YIF1B: variants seen among roughly 807,000 people sequenced by gnomAD.
YIF1B encodes the protein Yip1 interacting factor homolog B, membrane trafficking protein.
A neutral mutation model predicts 34.6 loss-of-function variants in YIF1B; 24 were observed. The observed-to-expected ratio is 0.69, with a 90% confidence interval of 0.50 to 0.98. The LOEUF (loss-of-function observed/expected upper bound fraction) is 0.98. Among genes scored for constraint, YIF1B ranks in the 50% least tolerant of loss-of-function variants. The pLI is 0.00. For synonymous variants in YIF1B, 186 were observed against 184.8 expected, an observed-to-expected ratio of 1.01 and a Z score of -0.05; for missense variants, 368 against 429.4, an observed-to-expected ratio of 0.86 and a Z score of 1.26.
At chr19:38,314,471 G>A (rs1969458563) in intron 1 of YIF1B, among the ~76,000 whole-genome samples, 1 of 151,838 alleles carries the variant, frequency 6.6e-6, no homozygotes, top group Non-Finnish European at 1.5e-5. Context: ...GGGATTATAG[G>A]TGTGAACCAC....
rs1200725077 is a variant in YIF1B at position 38,315,846 on chromosome 19, C to A, written c.58+14G>T. On this transcript the variant is annotated intron_variant, in intron 1 of 7. Coordinates refer to ENST00000339413, the MANE Select transcript of YIF1B (RefSeq NM_001039672.3). ...ACGCCCCCGCCCGCCCGATCTCCTCCGCCGGCCACGTACGCCACTTACGCA... is the reference window on the plus strand; with the variant it reads ...ACGCCCCCGCCCGCCCGATCTCCTCAGCCGGCCACGTACGCCACTTACGCA... The A allele has an allele frequency of 1.3e-6, 2 of 1,504,868 alleles. No homozygotes were observed. Among genetic ancestry groups the A allele is most frequent in the Non-Finnish European group, 1.8e-6 (2 of 1,134,684 alleles). 93.2% of individuals were successfully genotyped at this position (1,504,868 alleles called of 1,614,324 possible). A position where few individuals can be genotyped will look rare whatever the true frequency, so the allele number is the denominator to read the frequency against.
Position 38,315,941 on chromosome 19 carries a change from G to A in YIF1B, c.-24C>T, listed in dbSNP as rs1969533447. ...ATCCTTCGCCGCCGCCACCTAAGCC[G>A]CGGTTCGGAGCGTGCCCGCCCGGCT... On this transcript the variant is annotated 5_prime_UTR_variant, in exon 1 of 8. Transcript: ENST00000339413. 1.4e-6 allele frequency: 2 copies of A among 1,422,132 alleles called. No individual in the cohort carries two copies. The highest frequency in any genetic ancestry group is 3.0e-5 in the East Asian group (1 of 33,816). 88.1% of individuals were successfully genotyped at this position (1,422,132 alleles called of 1,614,324 possible). A position where few individuals can be genotyped will look rare whatever the true frequency, so the allele number is the denominator to read the frequency against.
intron 5 of YIF1B, 27 bp from the exon 6 acceptor site, chr19:38,307,779 G>GT (rs767621152): frequency 6.2e-6 from 10 of 1,609,794 alleles, no homozygotes; most frequent in Admixed American, 1.7e-5. Flanking sequence ...CCGCCACTTG[G>GT]TTGGCTGGTT....
At position 38,304,864 on chromosome 19, in the gene YIF1B, A is replaced by G. The variant is rs575882929; in HGVS notation, c.*488T>C. The G allele has an allele frequency of 4.3e-6, 7 of 1,613,738 alleles. No homozygotes were observed. In the African/African-American group the frequency reaches 6.7e-5, roughly 15 times the overall value. The stretch of plus-strand genomic sequence containing the variant: ...CCACAGTCCCACGCTGCTGGCTCCA[A>G]GCAGCACGAGAGCATCCCGGGCAAG... On this transcript the variant is annotated 3_prime_UTR_variant, in exon 8 of 8. Transcript: ENST00000339413.
intron 1 of YIF1B, among the ~76,000 whole-genome samples, chr19:38,313,655 C>T (rs1461919263): frequency 6.6e-6 from 1 of 152,254 alleles, no homozygotes; most frequent in Non-Finnish European, 1.5e-5. Flanking sequence ...CCTGCTAGGC[C>T]CTGCATGACC....
At chr19:38,307,149 G>A in intron 7 of YIF1B, 1 of 524,120 alleles carries the variant, frequency 1.9e-6, no homozygotes, top group Non-Finnish European at 3.6e-6. Context: ...AGGCTCCCAT[G>A]TAAGGAGAGT....
At chr19:38,306,897 G>A (rs958637903) in intron 7 of YIF1B, 11 of 451,952 alleles carry the variant, frequency 2.4e-5, no homozygotes, top group Non-Finnish European at 4.6e-5. Flanking sequence ...TAGCCAGGAT[G>A]GTCTTGATCT....
At chr19:38,307,995 G>A (rs539370080) in intron 5 of YIF1B, among the ~76,000 whole-genome samples, 3 of 152,352 alleles carry the variant, frequency 2.0e-5, no homozygotes, top group African/African-American at 7.2e-5. Context: ...TCAGGAGACA[G>A]GTGTCAGAGA....
At chr19:38,315,017 G>C (rs1969487280) in intron 1 of YIF1B, among the ~76,000 whole-genome samples, 3 of 152,110 alleles carry the variant, frequency 2.0e-5, no homozygotes, top group Admixed American at 2.0e-4. Context: ...CCAGCACTTT[G>C]GGAGGCCTAG....
chr19:38,314,616 CTTTTTTTT>C (rs911022609), intron 1 of YIF1B, among the ~76,000 whole-genome samples: 6 of 82,326 alleles, frequency 7.3e-5, no homozygotes, highest in Admixed American at 1.6e-4. Context: ...GGATCACCCT[CTTTTTTTT>C]TTTTTTTTTT....
At chr19:38,310,377 A>G (rs1429345592) in intron 1 of YIF1B, among the ~76,000 whole-genome samples, 1 of 148,302 alleles carries the variant, frequency 6.7e-6, no homozygotes, top group East Asian at 2.0e-4. Context: ...CTATCCATCC[A>G]CTGATGCATT....
chr19:38,309,064 G>C lies in YIF1B; in HGVS notation c.403-7C>G. The C allele has an allele frequency of 4.5e-6, 7 of 1,552,668 alleles. No individual in the cohort carries two copies. Among genetic ancestry groups the C allele is most frequent in the Non-Finnish European group, 6.1e-6 (7 of 1,147,304 alleles). ...GGTACTGCACTTCCCAGTCCTGCGG[G>C]GATGGGGAGACGGGCAGGACCCTCA... On this transcript the variant is annotated splice_region_variant and splice_polypyrimidine_tract_variant and intron_variant, in intron 3 of 7. Transcript: ENST00000339413.
At position 38,309,615 on chromosome 19, in the gene YIF1B, C is replaced by T; in HGVS notation, c.87G>A (p.Gln29=). The T allele has an allele frequency of 6.2e-7, 1 of 1,600,064 alleles. No homozygotes were observed. The highest frequency in any genetic ancestry group is 1.1e-5 in the South Asian group (1 of 88,830). ...WPSKRRIPVS[Q]PGMADPHQLF... is the part of the protein sequence containing the mutation. ...GCTGGTGGGGGTCGGCCATGCCCGG[C>T]TGGGACACAGGGATCCTCCGCTTCG... Residue 29 remains glutamine (Q), a synonymous_variant, in exon 2 of 8, where the codon CAG becomes CAA. Coordinates refer to ENST00000339413, the MANE Select transcript of YIF1B (RefSeq NM_001039672.3).
At chr19:38,314,790 C>T (rs533642300) in intron 1 of YIF1B, among the ~76,000 whole-genome samples, 3 of 151,462 alleles carry the variant, frequency 2.0e-5, no homozygotes, top group Non-Finnish European at 4.4e-5. Context: ...ATTTTGTGTA[C>T]TTTTATTAGA....
chr19:38,311,561 G>A (rs977777076), intron 1 of YIF1B, among the ~76,000 whole-genome samples: 1 of 151,960 alleles, frequency 6.6e-6, no homozygotes, highest in Non-Finnish European at 1.5e-5. Context: ...AAGAGGCTCA[G>A]GCCTTTGCCC....
rs546686646 is a variant in YIF1B, at chr19:38,303,860, G to T, written c.*1492C>A. Among the ~76,000 whole-genome samples the T allele has an allele frequency of 1.3e-5, 2 of 152,222 alleles. No homozygotes were observed. The highest frequency in any genetic ancestry group is 2.4e-5 in the African/African-American group (1 of 41,474). On this transcript the variant is annotated 3_prime_UTR_variant, in exon 8 of 8. Transcript: ENST00000339413. ...GTGGGAGCGAGTTAGAACACGGGACGCCCCTGGCAGCAGCGCCCTGCGTGT... is the reference window on the plus strand; with the variant it reads ...GTGGGAGCGAGTTAGAACACGGGACTCCCCTGGCAGCAGCGCCCTGCGTGT...
In YIF1B at chr19:38,307,531, G is replaced by C; in HGVS notation, c.696-10C>G. 1 of 1,613,922 alleles carries C rather than the reference G, an allele frequency of 6.2e-7. No homozygotes were observed. Among genetic ancestry groups the C allele is most frequent in the African/African-American group, 1.3e-5 (1 of 75,016 alleles). On this transcript the variant is annotated splice_polypyrimidine_tract_variant and intron_variant, in intron 6 of 7. Coordinates refer to ENST00000339413, the MANE Select transcript of YIF1B (RefSeq NM_001039672.3). ...GACCCCGCCAATCATCCTGGGGGAG[G>C]GAGAGGAGGCTGTGTGAGGACAAGG...
chr19:38,306,278 C>T (rs1369828563), intron 7 of YIF1B, among the ~76,000 whole-genome samples: 2 of 151,426 alleles, frequency 1.3e-5, no homozygotes, highest in African/African-American at 4.8e-5. Context: ...GTGGCGTGAC[C>T]TCAGCTTACT....
intron 7 of YIF1B, among the ~76,000 whole-genome samples, chr19:38,305,937 C>CT (rs1311151642): frequency 6.8e-5 from 10 of 146,850 alleles, no homozygotes; most frequent in East Asian, 2.1e-4. Flanking sequence ...GGTGCGTTGG[C>CT]TCACGCCTGT....
Sources: gnomAD v4.1 joint callset for allele counts (sites outside exome capture counted in the v4.1 genomes callset) on GRCh38, gnomAD v4.1.1 for gene constraint, MANE v1.5 for transcripts, NCBI Gene and HGNC (gene_info 2026-07-23, HGNC 2026-07-21) for gene names.